BAG5: variants seen among roughly 807,000 people sequenced by gnomAD.
The protein encoded by BAG5 is BAG family molecular chaperone regulator 5.
In BAG5, 25 loss-of-function variants were observed where a neutral mutation model predicts 31.8. That is an observed-to-expected ratio of 0.79 (90% CI 0.57 to 1.10). The LOEUF (loss-of-function observed/expected upper bound fraction) is 1.10. Ranked by LOEUF, BAG5 falls within the 50% of genes least tolerant of loss-of-function variation. The probability of loss-of-function intolerance (pLI) is 0.00; values close to 1 mark genes in which losing one functional copy is unlikely to be tolerated. For missense variants in BAG5, 491 were observed against 527.9 expected (o/e 0.93, Z 0.68); for synonymous variants, 208 against 205.0 (o/e 1.01, Z -0.13).
At chr14:103,561,267 C>T (rs1321040626) in intron 1 of BAG5, 75 bp from the exon 2 acceptor site, 1 of 1,430,046 alleles carries the variant, frequency 7.0e-7, no homozygotes, top group Non-Finnish European at 9.3e-7. Context: ...TTAAGTCATT[C>T]TAAAATTCTC....
Position 103,560,168 on chromosome 14 carries a change from T to C in BAG5, c.997A>G (p.Arg333Gly). ...GTTTGCACCTCGATCACTGCTCTTC[T>C]CCTGGCTTCCCGGATGCAGGGGTTT... The part of the protein sequence containing the change: ...EKNPCIREAR[R>G]RAVIEVQTLI... The change falls in exon 2 of 2, where the codon AGA becomes GGA. Residue 333 changes from arginine (R) to glycine (G), a missense_variant. Arg to Gly is a moderately radical substitution (Grantham distance 125). Transcript: ENST00000299204. 1 of 1,614,140 alleles carries C rather than the reference T, an allele frequency of 6.2e-7. No homozygotes were observed. The highest frequency in any genetic ancestry group is 8.5e-7 in the Non-Finnish European group (1 of 1,180,012).
chr14:103,561,459 G>A (rs1022017668), intron 1 of BAG5, among the ~76,000 whole-genome samples: 3 of 152,092 alleles, frequency 2.0e-5, no homozygotes, highest in Admixed American at 6.6e-5. Context: ...TGGGATTAAG[G>A]TGTGAGTCAC....
intron 1 of BAG5, chr14:103,561,628 C>T (rs1009371780): frequency 2.3e-6 from 1 of 440,814 alleles, no homozygotes; most frequent in East Asian, 3.9e-5. Context: ...AGAACAAAAA[C>T]CAGTGGCTCT....
rs753330598 is a variant in BAG5 at position 103,560,271 on chromosome 14, G to C, written c.894C>G (p.Asn298Lys). The change falls in exon 2 of 2, where the codon AAC (asparagine) becomes AAG (lysine). Residue 298 changes from asparagine to lysine, a missense_variant. Coordinates refer to ENST00000299204, the MANE Select transcript of BAG5 (RefSeq NM_001015048.3). ...TGGAGCTCAGGTACAATTCAGAAGG[G>C]TTTTGTGCTTGGAGAAGTTCATTTT... The part of the protein sequence containing the change: ...EIKNELLQAQ[N>K]PSELYLSSKT... The C allele has an allele frequency of 9.3e-6, 15 of 1,614,014 alleles. No homozygotes were observed. The East Asian group carries it at 3.3e-4, about 36-fold the overall frequency.
Position 103,559,633 on chromosome 14 carries a change from G to A in BAG5, c.*188C>T, listed in dbSNP as rs1381192725. On this transcript the variant is annotated 3_prime_UTR_variant, in exon 2 of 2. Coordinates refer to ENST00000299204, the MANE Select transcript of BAG5 (RefSeq NM_001015048.3). ...CATCATACAGATAATGATCCGAATG[G>A]AAAAGTTAACGTGCTGTAATGATAT... 1.2e-5 allele frequency: 8 copies of A among 681,644 alleles called. No individual in the cohort carries two copies. The highest frequency in any genetic ancestry group is 1.9e-5 in the Non-Finnish European group (8 of 424,310). The allele number at this position is 681,644 out of a possible 1,614,324, so 42.2% of individuals were successfully genotyped here. A position where few individuals can be genotyped will look rare whatever the true frequency, so the allele number is the denominator to read the frequency against.
rs758930839 is a variant in BAG5, at chr14:103,561,187, C to T, written c.-23G>A. On this transcript the variant is annotated 5_prime_UTR_variant, in exon 2 of 2. The change creates a new upstream start codon in the 5' untranslated region. Transcript: ENST00000299204. ...CATACTTTTGTTGTGTTCAGTTTCA[C>T]AAGCACTAAAAGACGACAAGAATGA... 3 of 1,587,884 alleles carry T rather than the reference C, an allele frequency of 1.9e-6. No homozygotes were observed. The highest frequency in any genetic ancestry group is 8.5e-7 in the Non-Finnish European group (1 of 1,174,812).
In BAG5 at chr14:103,559,804, G is replaced by C; in HGVS notation, c.*17C>G. ...TATGAAGTGCAAAACAGTATCAAAAGTGAGATCTCTGGTATTTCAGTACTC... is the reference window on the plus strand; with the variant it reads ...TATGAAGTGCAAAACAGTATCAAAACTGAGATCTCTGGTATTTCAGTACTC... On this transcript the variant is annotated 3_prime_UTR_variant, in exon 2 of 2. Transcript: ENST00000299204. 1.2e-6 allele frequency: 2 copies of C among 1,605,992 alleles called. No homozygotes were observed. The highest frequency in any genetic ancestry group is 1.7e-6 in the Non-Finnish European group (2 of 1,175,222).
Position 103,559,869 on chromosome 14 carries a change from C to T in BAG5, c.1296G>A (p.Gln432=). 1 of 1,614,108 alleles carries T rather than the reference C, an allele frequency of 6.2e-7. No homozygotes were observed. The highest frequency in any genetic ancestry group is 8.5e-7 in the Non-Finnish European group (1 of 1,180,004). The part of the protein sequence containing the change: ...AARKQAVRLA[Q]NILSYLDLKS... ...TCAGGTCGAGATAGCTGAGAATATTCTGCGCAAGCCTCACAGCTTGTTTCC... is the reference window on the plus strand; with the variant it reads ...TCAGGTCGAGATAGCTGAGAATATTTTGCGCAAGCCTCACAGCTTGTTTCC... The change falls in exon 2 of 2, where the codon CAG becomes CAA. Residue 432 remains glutamine (Q), a synonymous_variant. Transcript: ENST00000299204.
At chr14:103,561,226 C>A (rs770901742) in intron 1 of BAG5, 34 bp from the exon 2 acceptor site, 2 of 1,537,388 alleles carry the variant, frequency 1.3e-6, no homozygotes, top group South Asian at 1.2e-5. Flanking sequence ...CTTACTACAG[C>A]ACAAGGCTTC....
intron 1 of BAG5, chr14:103,561,937 C>T (rs1300474372): frequency 1.9e-6 from 3 of 1,613,274 alleles, no homozygotes; most frequent in Non-Finnish European, 2.5e-6. Flanking sequence ...CCACAATGGC[C>T]TAATGCACGT....
chr14:103,560,880 C>G lies in BAG5; in HGVS notation c.285G>C (p.Gln95His). Residue 95 changes from glutamine (Q) to histidine (H), a missense_variant, in exon 2 of 2, where the codon CAG becomes CAC. By Grantham distance (24) the Gln-to-His change is conservative. Coordinates refer to ENST00000299204, the MANE Select transcript of BAG5 (RefSeq NM_001015048.3). ...NANHPHRIEI[Q>H]NIFEEAQSLV... ...GGGACTGGGCTTCCTCAAAAATGTT[C>G]TGTATTTCAATCCGGTGTGGGTGGT... 3.1e-6 allele frequency: 5 copies of G among 1,614,124 alleles called. No individual in the cohort carries two copies. Among genetic ancestry groups the G allele is most frequent in the Non-Finnish European group, 3.4e-6 (4 of 1,180,034 alleles).
intron 1 of BAG5, chr14:103,561,865 AAAAC>A (rs1204593895): frequency 1.4e-6 from 2 of 1,475,404 alleles, no homozygotes; most frequent in Non-Finnish European, 1.9e-6. Context: ...CTCTCAAAAA[AAAAC>A]AACCCGCGAA....
In BAG5 at chr14:103,559,724, T is replaced by A; in HGVS notation, c.*97A>T. ...TTGCTTCAATCATAAATACTGAGAC[T>A]GAAATATGCACGTATAAATCAATGA... On this transcript the variant is annotated 3_prime_UTR_variant, in exon 2 of 2. Coordinates refer to ENST00000299204, the MANE Select transcript of BAG5 (RefSeq NM_001015048.3). 7.0e-6 allele frequency: 10 copies of A among 1,419,598 alleles called. No individual in the cohort carries two copies. Among genetic ancestry groups the A allele is most frequent in the Non-Finnish European group, 9.5e-6 (10 of 1,057,132 alleles). The allele number at this position is 1,419,598 out of a possible 1,614,324, so 87.9% of individuals were successfully genotyped here.
intron 1 of BAG5, chr14:103,561,940 A>G (rs748046116): frequency 2.5e-6 from 4 of 1,613,004 alleles, no homozygotes; most frequent in Non-Finnish European, 3.4e-6. Context: ...CAATGGCCTA[A>G]TGCACGTTTC....
rs755662423 is a variant in BAG5, at chr14:103,557,344, A to G, written c.*2477T>C. 4 of 152,248 alleles carry G rather than the reference A, an allele frequency of 2.6e-5. No homozygotes were observed. Among genetic ancestry groups the G allele is most frequent in the Non-Finnish European group, 5.9e-5 (4 of 68,046 alleles). 9.4% of individuals were successfully genotyped at this position (152,248 alleles called of 1,614,324 possible). A position where few individuals can be genotyped will look rare whatever the true frequency, so the allele number is the denominator to read the frequency against. ...TTGCAGGAGTAGAATAATCCGGTAC[A>G]AGGAACGAGAACAGATTGAAACCAG... On this transcript the variant is annotated 3_prime_UTR_variant, in exon 2 of 2. Transcript: ENST00000299204.
rs576341095 is a variant in BAG5, at chr14:103,556,693, G to A, written c.*3128C>T. On this transcript the variant is annotated 3_prime_UTR_variant, in exon 2 of 2. Coordinates refer to ENST00000299204, the MANE Select transcript of BAG5 (RefSeq NM_001015048.3). ...TCACAGAGAGGGGACAGGAACCAATGTACTGGAAAAACACACTTGTATTAT... is the reference window on the plus strand; with the variant it reads ...TCACAGAGAGGGGACAGGAACCAATATACTGGAAAAACACACTTGTATTAT... 1 of 152,082 alleles carries A rather than the reference G, an allele frequency of 6.6e-6. No homozygotes were observed. Among genetic ancestry groups the A allele is most frequent in the South Asian group, 2.1e-4 (1 of 4,816 alleles). The allele number at this position is 152,082 out of a possible 1,614,324, so 9.4% of individuals were successfully genotyped here. A position where few individuals can be genotyped will look rare whatever the true frequency, so the allele number is the denominator to read the frequency against.
chr14:103,559,662 T>C lies in BAG5; in HGVS notation c.*159A>G. 1 of 786,888 alleles carries C rather than the reference T, an allele frequency of 1.3e-6. No individual in the cohort carries two copies. The highest frequency in any genetic ancestry group is 2.0e-6 in the Non-Finnish European group (1 of 506,306). The allele number at this position is 786,888 out of a possible 1,614,324, so 48.7% of individuals were successfully genotyped here. ...AGTTAACGTGCTGTAATGATATTTG[T>C]CTTGCAACATCAAAAGCAGCAGATA... is the stretch of plus-strand genomic sequence containing the variant. On this transcript the variant is annotated 3_prime_UTR_variant, in exon 2 of 2. Transcript: ENST00000299204.
Position 103,560,359 on chromosome 14 carries a change from T to A in BAG5, c.806A>T (p.Asp269Val). The stretch of plus-strand genomic sequence containing the variant: ...TAAAATGGAATGATTCTGTCTCAGG[T>A]CAAATGCTTTAGTTGTGTCTGCTTC... ...EEEADTTKAF[D>V]LRQNHSILKI... The change falls in exon 2 of 2, where the codon GAC (aspartate) becomes GTC (valine). Residue 269 changes from aspartate to valine, a missense_variant. Asp to Val is a radical substitution (Grantham distance 152). Transcript: ENST00000299204. 6.2e-7 allele frequency: 1 copy of A among 1,614,208 alleles called. No homozygotes were observed. The highest frequency in any genetic ancestry group is 8.5e-7 in the Non-Finnish European group (1 of 1,180,042).
Position 103,560,191 on chromosome 14 carries a change from T to C in BAG5, c.974A>G (p.Asn325Ser), listed in dbSNP as rs1319321339. 6 of 1,614,084 alleles carry C rather than the reference T, an allele frequency of 3.7e-6. No individual in the cohort carries two copies. The highest frequency in any genetic ancestry group is 4.2e-6 in the Non-Finnish European group (5 of 1,179,996). ...GQLDEVSLEK[N>S]PCIREARRRA... is the part of the protein sequence containing the mutation. Reference sequence around the variant, plus strand: ...TCTCCTGGCTTCCCGGATGCAGGGGTTTTTTTCAAGACTTACCTCATCCAA... The same window carrying C: ...TCTCCTGGCTTCCCGGATGCAGGGGCTTTTTTCAAGACTTACCTCATCCAA... The change falls in exon 2 of 2, where the codon AAC becomes AGC. Residue 325 changes from asparagine to serine, a missense_variant. Physicochemically the swap from Asn to Ser is conservative, Grantham distance 46. Transcript: ENST00000299204.
Sources: allele counts gnomAD v4.1 joint callset (sites outside exome capture counted in the v4.1 genomes callset), GRCh38; gene constraint gnomAD v4.1.1; transcripts MANE v1.5; gene names NCBI Gene and HGNC (gene_info 2026-07-23, HGNC 2026-07-21).